The following NDUFV3 variants were observed in gnomAD, a reference collection of about 807,000 sequenced individuals.
The protein encoded by NDUFV3 is NADH:ubiquinone oxidoreductase subunit V3.
A neutral mutation model predicts 37.5 loss-of-function variants in NDUFV3; 44 were observed. The observed-to-expected ratio is 1.17, with a 90% CI of 0.92 to 1.51. The LOEUF is 1.51. Among genes scored for constraint, NDUFV3 ranks in the 40% most tolerant of loss-of-function variants. The pLI is 0.00. For missense variants in NDUFV3, 580 were observed against 580.4 expected, an observed-to-expected ratio of 1.00 and a Z score of 0.01; for synonymous variants, 235 against 239.3, an observed-to-expected ratio of 0.98 and a Z score of 0.17.
At chr21:42,900,454 G>T (rs56725679) in intron 2 of NDUFV3, among the ~76,000 whole-genome samples, 5,705 of 152,338 alleles carry the variant, frequency 0.037, 349 homozygotes, top group African/African-American at 0.13. Context: ...AATGAGCTGA[G>T]ATTGTGCCAT....
intron 2 of NDUFV3, among the ~76,000 whole-genome samples, chr21:42,901,904 CAT>C (rs1205079583): frequency 6.6e-6 from 1 of 152,170 alleles, no homozygotes; most frequent in Non-Finnish European, 1.5e-5. Context: ...TCTTGATTCT[CAT>C]GTGTTTATTT....
chr21:42,911,132 A>G lies in NDUFV3; in HGVS notation c.*2111A>G, dbSNP rs1480556824. 1 of 152,274 alleles carries G rather than the reference A, an allele frequency of 6.6e-6. No homozygotes were observed. Among genetic ancestry groups the G allele is most frequent in the Non-Finnish European group, 1.5e-5 (1 of 68,096 alleles). The allele number at this position is 152,274 out of a possible 1,614,324, so 9.4% of individuals were successfully genotyped here. A position where few individuals can be genotyped will look rare whatever the true frequency, so the allele number is the denominator to read the frequency against. ...GTGGTGCGTGCCTGTAATCCCAGCT[A>G]TTCAAGAGGCTGAGGCAGGAGAATC... On this transcript the variant is annotated 3_prime_UTR_variant, in exon 4 of 4. Transcript: ENST00000354250.
At position 42,903,666 on chromosome 21, in the gene NDUFV3, T is replaced by C. The variant is rs1191558741; in HGVS notation, c.654T>C (p.Ile218=). The C allele has an allele frequency of 6.2e-7, 1 of 1,613,862 alleles. No individual in the cohort carries two copies. The highest frequency in any genetic ancestry group is 8.5e-7 in the Non-Finnish European group (1 of 1,180,028). Residue 218 remains isoleucine (I), a synonymous_variant, in exon 3 of 4, where the codon ATT becomes ATC. Transcript: ENST00000354250. ...KTLLQKPHVD[I]TDPEKPHQPK... is the part of the protein sequence containing the mutation. ...TGCTGCAGAAGCCGCATGTGGACAT[T>C]ACTGATCCAGAGAAGCCCCACCAGC...
chr21:42,902,177 C>T (rs1395138736), intron 2 of NDUFV3, among the ~76,000 whole-genome samples: 3 of 152,010 alleles, frequency 2.0e-5, no homozygotes, highest in African/African-American at 7.3e-5. Context: ...CATTGCACTC[C>T]AGCCTGGGCA....
In NDUFV3 at chr21:42,893,317, C is replaced by T. The variant is rs1240955523; in HGVS notation, c.-17C>T. The T allele has an allele frequency of 5.9e-6, 9 of 1,537,402 alleles. No individual in the cohort carries two copies. The highest frequency in any genetic ancestry group is 7.0e-6 in the Non-Finnish European group (8 of 1,146,286). ...GCAGCTGCTGTGGCCCTGCTTGGTG[C>T]GCCCGCTGTCACCGCCATGGCTGCC... On this transcript the variant is annotated 5_prime_UTR_variant, in exon 1 of 4. Coordinates refer to ENST00000354250, the MANE Select transcript of NDUFV3 (RefSeq NM_021075.4).
Position 42,912,200 on chromosome 21 carries a change from A to ATC in NDUFV3, c.*3180_*3181dup, listed in dbSNP as rs1450901975. 1 of 152,244 alleles carries ATC rather than the reference A, an allele frequency of 6.6e-6. No homozygotes were observed. The highest frequency in any genetic ancestry group is 6.6e-5 in the Admixed American group (1 of 15,262). 9.4% of individuals were successfully genotyped at this position (152,244 alleles called of 1,614,324 possible). Reference sequence around the variant, plus strand: ...GGCTGCAGTGAGTGGAGATTGCAGCATCGCACTACAGCCTGGGCAACAACA... The same window carrying ATC: ...GGCTGCAGTGAGTGGAGATTGCAGCATCTCGCACTACAGCCTGGGCAACAACA... On this transcript the variant is annotated 3_prime_UTR_variant, in exon 4 of 4. Coordinates refer to ENST00000354250, the MANE Select transcript of NDUFV3 (RefSeq NM_021075.4).
chr21:42,906,316 G>A (rs763071679), intron 3 of NDUFV3, among the ~76,000 whole-genome samples: 4 of 152,146 alleles, frequency 2.6e-5, no homozygotes, highest in Non-Finnish European at 4.4e-5. Context: ...GCGCGGCTCC[G>A]TCCTGTGTCT....
At chr21:42,902,722 T>C (rs2058722175) in intron 2 of NDUFV3, among the ~76,000 whole-genome samples, 1 of 152,138 alleles carries the variant, frequency 6.6e-6, no homozygotes, top group South Asian at 2.1e-4. Flanking sequence ...AGGTCGGTAG[T>C]TTTGTGTTTT....
intron 2 of NDUFV3, among the ~76,000 whole-genome samples, 192 bp from the exon 3 acceptor site, chr21:42,902,990 A>G (rs7282312): frequency 0.026 from 3,963 of 152,330 alleles, 180 homozygotes; most frequent in African/African-American, 0.089. Context: ...CATGTTCAGT[A>G]CTAAAGCAGA....
rs1195999324 is a variant in NDUFV3, at chr21:42,893,375, G to A, written c.42G>A (p.Ala14=). 5 of 1,537,730 alleles carry A rather than the reference G, an allele frequency of 3.3e-6. No homozygotes were observed. Among genetic ancestry groups the A allele is most frequent in the Non-Finnish European group, 4.4e-6 (5 of 1,146,410 alleles). The change falls in exon 1 of 4, where the codon GCG becomes GCA. Residue 14 remains alanine (A), a synonymous_variant. Transcript: ENST00000354250. ...PCLLRQGRAG[A]LKTMLQEAQV... ...TGCTGCGGCAAGGACGAGCCGGGGCGCTGAAGGTAAAGGAGGAGCCAGCCT... is the reference window on the plus strand; with the variant it reads ...TGCTGCGGCAAGGACGAGCCGGGGCACTGAAGGTAAAGGAGGAGCCAGCCT...
In NDUFV3 at chr21:42,903,488, C is replaced by T; in HGVS notation, c.476C>T (p.Ser159Phe). The T allele has an allele frequency of 1.9e-6, 3 of 1,614,030 alleles. No individual in the cohort carries two copies. The highest frequency in any genetic ancestry group is 2.5e-6 in the Non-Finnish European group (3 of 1,179,924). The change falls in exon 3 of 4, where the codon TCC becomes TTC. Residue 159 changes from serine to phenylalanine, a missense_variant. Coordinates refer to ENST00000354250, the MANE Select transcript of NDUFV3 (RefSeq NM_021075.4). ...CCTTCGTCTTCATCCTCTTCCAGCT[C>T]CTCTGATTCTGAATCTGATGATGAG... ...TSPSSSSSSS[S>F]SDSESDDEAD... is the part of the protein sequence containing the mutation.
In NDUFV3 at chr21:42,903,862, C is replaced by G; in HGVS notation, c.850C>G (p.Pro284Ala). 6.2e-7 allele frequency: 1 copy of G among 1,612,688 alleles called. No homozygotes were observed. The highest frequency in any genetic ancestry group is 8.5e-7 in the Non-Finnish European group (1 of 1,179,748). Residue 284 changes from proline to alanine, a missense_variant, in exon 3 of 4, where the codon CCA becomes GCA. Pro to Ala is a conservative substitution (Grantham distance 27). Transcript: ENST00000354250. ...LNEIDKESQK[P>A]FEVKGPLPVH... ...TGAAATAGATAAAGAAAGCCAAAAGCCATTTGAAGTTAAAGGACCCTTACC... is the reference window on the plus strand; with the variant it reads ...TGAAATAGATAAAGAAAGCCAAAAGGCATTTGAAGTTAAAGGACCCTTACC...
At chr21:42,907,969 T>G (rs2058749223) in intron 3 of NDUFV3, among the ~76,000 whole-genome samples, 1 of 152,060 alleles carries the variant, frequency 6.6e-6, no homozygotes, top group African/African-American at 2.4e-5. Context: ...CTAGGCATTT[T>G]CAAACTTTTG....
At chr21:42,906,647 C>CT (rs770266747) in intron 3 of NDUFV3, among the ~76,000 whole-genome samples, 1 of 152,260 alleles carries the variant, frequency 6.6e-6, no homozygotes, top group Non-Finnish European at 1.5e-5. Context: ...TGTTTCTTAA[C>CT]TATCTTCTGT....
chr21:42,900,103 A>G (rs13048468), intron 2 of NDUFV3, among the ~76,000 whole-genome samples: 97,401 of 151,648 alleles, frequency 0.64, 32,799 homozygotes, highest in African/African-American at 0.84. Context: ...GGAGGCTGAG[A>G]CGAGAGGATC....
chr21:42,893,397 G>C lies in NDUFV3; in HGVS notation c.48+16G>C. ...GGCGCTGAAGGTAAAGGAGGAGCCA[G>C]CCTGGGCTGGCTGCGCGGCCCCGAG... is the stretch of plus-strand genomic sequence containing the variant. On this transcript the variant is annotated intron_variant, in intron 1 of 3. Transcript: ENST00000354250. 1 of 1,535,942 alleles carries C rather than the reference G, an allele frequency of 6.5e-7. No individual in the cohort carries two copies. Among genetic ancestry groups the C allele is most frequent in the South Asian group, 1.2e-5 (1 of 83,968 alleles).
chr21:42,905,122 A>C (rs2058735783), intron 3 of NDUFV3, among the ~76,000 whole-genome samples: 1 of 151,942 alleles, frequency 6.6e-6, no homozygotes, highest in Non-Finnish European at 1.5e-5. Context: ...TGTCCTTGGC[A>C]CTCTTCACTA....
At chr21:42,899,248 C>T (rs1040907336) in intron 2 of NDUFV3, among the ~76,000 whole-genome samples, 2 of 151,258 alleles carry the variant, frequency 1.3e-5, no homozygotes, top group African/African-American at 2.4e-5. Context: ...CAGAACTAAG[C>T]TCATCAATAC....
Position 42,894,362 on chromosome 21 carries a change from ATATATATAT to A in NDUFV3, c.48+983_48+991del, listed in dbSNP as rs2058674416. ...TATATATTATATATAAATATATATT[ATATATATAT>A]TTATATAATATGTAAATATATATTA... On this transcript the variant is annotated intron_variant, in intron 1 of 3. Coordinates refer to ENST00000354250, the MANE Select transcript of NDUFV3 (RefSeq NM_021075.4). Among the ~76,000 whole-genome samples, 2 of 36,650 alleles carry A rather than the reference ATATATATAT, an allele frequency of 5.5e-5. 1 individual carries two copies. Among genetic ancestry groups the A allele is most frequent in the Non-Finnish European group, 8.5e-5 (2 of 23,424 alleles). The allele number at this position is 36,650 out of a possible 152,430, so 24.0% of individuals were successfully genotyped here.
Sources: gnomAD v4.1 joint callset for allele counts (sites outside exome capture counted in the v4.1 genomes callset) on GRCh38, gnomAD v4.1.1 for gene constraint, MANE v1.5 for transcripts, NCBI Gene and HGNC (gene_info 2026-07-23, HGNC 2026-07-21) for gene names.